Variants in SMC2 observed in about 807,000 individuals in gnomAD.
The protein encoded by SMC2 is structural maintenance of chromosomes 2, also known as structural maintenance of chromosomes protein 2.
SMC2 carries 41 observed loss-of-function variants against 142.6 expected under a neutral mutation model. The observed-to-expected ratio is 0.29, with a 90% CI of 0.22 to 0.37. SMC2 has a LOEUF of 0.37. SMC2 is among the 10% of genes least tolerant of loss of function. The pLI is 1.00. For missense variants in SMC2, 1,265 were observed against 1,373.7 expected (o/e 0.92, Z 1.25); for synonymous variants, 463 against 457.5 (o/e 1.01, Z -0.15).
chr9:104,105,920 A>G (rs1831713083), intron 9 of SMC2, among the ~76,000 whole-genome samples: 1 of 152,148 alleles, frequency 6.6e-6, no homozygotes, highest in South Asian at 2.1e-4. Context: ...TTGTGGAAAA[A>G]GTGTATTGAC....
At chr9:104,127,723 C>CAAATGTTTAGTGGTCTCCCATGG (rs1834471206) in intron 20 of SMC2, among the ~76,000 whole-genome samples, 1 of 152,006 alleles carries the variant, frequency 6.6e-6, no homozygotes, top group African/African-American at 2.4e-5. Context: ...ATGTATTTAC[C>CAAATGTTTAGTGGTCTCCCATGG]AAATGTTTAG....
At chr9:104,126,973 T>G (rs1163886750) in intron 19 of SMC2, among the ~76,000 whole-genome samples, 189 bp downstream of exon 19, 1 of 152,124 alleles carries the variant, frequency 6.6e-6, no homozygotes, top group African/African-American at 2.4e-5. Flanking sequence ...CTTCTAGCAG[T>G]CCCTCTTCTT....
intron 9 of SMC2, among the ~76,000 whole-genome samples, chr9:104,110,801 T>C (rs1832352674): frequency 6.6e-6 from 1 of 152,228 alleles, no homozygotes; most frequent in African/African-American, 2.4e-5. Flanking sequence ...TCTGTTCAAA[T>C]GGCATTTCAA....
Position 104,118,164 on chromosome 9 carries a change from C to T in SMC2, c.1792-7C>T, listed in dbSNP as rs755488518. 1.9e-6 allele frequency: 3 copies of T among 1,612,366 alleles called. No individual in the cohort carries two copies. The Admixed American group carries it at 5.0e-5, about 27-fold the overall frequency. On this transcript the variant is annotated splice_region_variant and splice_polypyrimidine_tract_variant and intron_variant, in intron 14 of 24. Transcript: ENST00000374793. ...TGTACTGTGGCATATCTGTTGTTGT[C>T]CCACAGGTTGGCCCTGACAACGTTC...
intron 16 of SMC2, among the ~76,000 whole-genome samples, chr9:104,121,740 C>A (rs1384766437): frequency 6.6e-6 from 1 of 151,806 alleles, no homozygotes; most frequent in African/African-American, 2.4e-5. Flanking sequence ...GCAAGATTTT[C>A]ATAGTCAGGA....
intron 12 of SMC2, among the ~76,000 whole-genome samples, chr9:104,114,435 C>A (rs1370459297): frequency 1.3e-5 from 2 of 152,104 alleles, no homozygotes; most frequent in African/African-American, 4.8e-5. Flanking sequence ...TTACAGTAAT[C>A]ATATGTATTA....
At chr9:104,114,499 C>T (rs552623912) in intron 12 of SMC2, among the ~76,000 whole-genome samples, 192 bp from the exon 13 acceptor site, 2 of 151,930 alleles carry the variant, frequency 1.3e-5, no homozygotes, top group African/African-American at 2.4e-5. Flanking sequence ...ACTGAAAGAT[C>T]TATTGTGATT....
intron 21 of SMC2, among the ~76,000 whole-genome samples, chr9:104,130,558 G>A (rs1834850976): frequency 6.6e-6 from 1 of 151,990 alleles, no homozygotes. Flanking sequence ...ACTGATAATA[G>A]CACAGTTACT....
chr9:104,136,845 A>G (rs1423294631), intron 23 of SMC2, among the ~76,000 whole-genome samples: 1 of 144,406 alleles, frequency 6.9e-6, no homozygotes, highest in Admixed American at 7.3e-5. Context: ...TAGCCCTATT[A>G]GAATGCAGCA....
chr9:104,091,335 TTG>T (rs1829979144), upstream of SMC2, among the ~76,000 whole-genome samples: 1 of 152,332 alleles, frequency 6.6e-6, no homozygotes, highest in Admixed American at 6.5e-5. Context: ...AATGTTGTGT[TTG>T]TGTTTCTAAA....
chr9:104,109,813 T>A (rs1239720915), intron 9 of SMC2, among the ~76,000 whole-genome samples: 1 of 152,194 alleles, frequency 6.6e-6, no homozygotes, highest in Non-Finnish European at 1.5e-5. Context: ...TAGTCTATTT[T>A]ATCATTTACT....
At chr9:104,119,854 T>G (rs531909224) in intron 15 of SMC2, among the ~76,000 whole-genome samples, 173 bp from the exon 16 acceptor site, 1 of 152,240 alleles carries the variant, frequency 6.6e-6, no homozygotes, top group African/African-American at 2.4e-5. Flanking sequence ...GGATCTGTTA[T>G]GAGTTCTCTG....
intron 16 of SMC2, 93 bp downstream of exon 16, chr9:104,120,255 T>C: frequency 8.6e-7 from 1 of 1,162,208 alleles, no homozygotes; most frequent in South Asian, 1.7e-5. Flanking sequence ...AGCTTCTGAC[T>C]TTTCTCATAT....
intron 21 of SMC2, 123 bp downstream of exon 21, chr9:104,129,968 C>T: frequency 1.4e-6 from 1 of 715,020 alleles, no homozygotes; most frequent in South Asian, 1.9e-5. Flanking sequence ...ACTTTTCTTT[C>T]TGCTTTCCTT....
Position 104,114,831 on chromosome 9 carries a change from TA to T in SMC2, c.1671+4del. ...TACAATGTTGTAGTAGACACAGAAGTAAGTTGATTTTAATTTTAAAAAATTT... is the reference window on the plus strand; with the variant it reads ...TACAATGTTGTAGTAGACACAGAAGTAGTTGATTTTAATTTTAAAAAATTT... On this transcript the variant is annotated splice_donor_region_variant and intron_variant, in intron 13 of 24. Transcript: ENST00000374793. 1 of 1,589,648 alleles carries T rather than the reference TA, an allele frequency of 6.3e-7. No homozygotes were observed. The highest frequency in any genetic ancestry group is 1.2e-5 in the South Asian group (1 of 86,472).
intron 20 of SMC2, among the ~76,000 whole-genome samples, chr9:104,129,338 A>G (rs1732234034): frequency 3.3e-5 from 5 of 152,104 alleles, no homozygotes; most frequent in Admixed American, 3.3e-4. Context: ...CCCCGTCTCT[A>G]CTAAAAATAC....
Position 104,129,647 on chromosome 9 carries a change from A to T in SMC2, c.2793A>T (p.Val931=), listed in dbSNP as rs1351269614. ...CATCTATTTTTATATGTGGCTAGGT[A>T]TCCAAAATGTTGAAAGATTATGACT... ...KREAEDGAAK[V]SKMLKDYDWI... The change falls in exon 21 of 25, where the codon GTA becomes GTT. Residue 931 remains valine, a splice_region_variant and synonymous_variant. Coordinates refer to ENST00000374793, the MANE Select transcript of SMC2 (RefSeq NM_006444.3). The T allele has an allele frequency of 6.2e-7, 1 of 1,612,700 alleles. No individual in the cohort carries two copies. Among genetic ancestry groups the T allele is most frequent in the Non-Finnish European group, 8.5e-7 (1 of 1,178,718 alleles).
At chr9:104,128,124 T>C (rs1430735439) in intron 20 of SMC2, among the ~76,000 whole-genome samples, 3 of 152,234 alleles carry the variant, frequency 2.0e-5, no homozygotes, top group African/African-American at 7.2e-5. Context: ...TGTTTTCTTA[T>C]GAGTGTGTAA....
At chr9:104,117,049 T>G (rs1833196893) in intron 14 of SMC2, among the ~76,000 whole-genome samples, 2 of 152,180 alleles carry the variant, frequency 1.3e-5, no homozygotes, top group Admixed American at 1.3e-4. Flanking sequence ...GTATCCTTAG[T>G]TACATTCAGA....
Sources: allele counts gnomAD v4.1 joint callset (sites outside exome capture counted in the v4.1 genomes callset), GRCh38; gene constraint gnomAD v4.1.1; transcripts MANE v1.5; gene names NCBI Gene and HGNC (gene_info 2026-07-23, HGNC 2026-07-21).